The following ATP23 variants were observed in gnomAD, a reference collection of about 807,000 sequenced individuals.
ATP23 encodes mitochondrial inner membrane protease ATP23 homolog.
In ATP23, 24 loss-of-function variants were observed where a neutral mutation model predicts 28.5. The observed-to-expected ratio is 0.84, with a 90% CI of 0.61 to 1.18. ATP23 has a LOEUF of 1.18. ATP23 is among the 50% of genes most tolerant of loss of function. The pLI is 0.00. For missense variants in ATP23, 274 were observed against 306.4 expected (o/e 0.89, Z 0.79); for synonymous variants, 99 against 108.6 (o/e 0.91, Z 0.55).
intron 2 of ATP23, among the ~76,000 whole-genome samples, 166 bp downstream of exon 2, chr12:57,945,839 C>T (rs1438016891): frequency 6.7e-6 from 1 of 148,888 alleles, no homozygotes; most frequent in Admixed American, 6.7e-5. Context: ...GCCTTGTTCT[C>T]TTTGGACATT....
chr12:57,951,879 AT>A lies in ATP23; in HGVS notation c.440del (p.Leu147TrpfsTer28). 2 of 1,614,172 alleles carry A rather than the reference AT, an allele frequency of 1.2e-6. No homozygotes were observed. Among genetic ancestry groups the A allele is most frequent in the Non-Finnish European group, 1.7e-6 (2 of 1,180,012 alleles). On this transcript the variant is annotated frameshift_variant, in exon 4 of 6. Coordinates refer to ENST00000300145, the MANE Select transcript of ATP23 (RefSeq NM_033276.4). LOFTEE classifies it high-confidence loss of function. ...AHVDWFTNIR[H>X]LACSEVRAAN... ...GTCGACTGGTTCACCAACATCAGAC[AT>A]TTGGCGTGCTCAGAGGTGAGTTTTA...
intron 1 of ATP23, among the ~76,000 whole-genome samples, chr12:57,944,436 G>A (rs1956740155): frequency 6.6e-6 from 1 of 152,052 alleles, no homozygotes; most frequent in African/African-American, 2.4e-5. Flanking sequence ...TGGGCTCCTT[G>A]TACTTTCCTG....
intron 3 of ATP23, among the ~76,000 whole-genome samples, 168 bp from the exon 4 acceptor site, chr12:57,951,590 C>T (rs1956814773): frequency 6.6e-6 from 1 of 152,140 alleles, no homozygotes. Flanking sequence ...ACACTTAGGA[C>T]TAGGACTTGT....
chr12:57,955,714 G>A (rs564335606), intron 5 of ATP23, among the ~76,000 whole-genome samples: 1 of 152,220 alleles, frequency 6.6e-6, no homozygotes, highest in South Asian at 2.1e-4. Flanking sequence ...GCTTCACATG[G>A]TTCTTCCTTT....
rs1369371535 is a variant in ATP23, at chr12:57,957,652, G to A, written c.*762G>A. On this transcript the variant is annotated 3_prime_UTR_variant, in exon 6 of 6. Coordinates refer to ENST00000300145, the MANE Select transcript of ATP23 (RefSeq NM_033276.4). ...AACTGAAGGTCTGTTTGTGGGAGAA[G>A]TTTCCGACCTTACCTGGAGCTGAGT... 6.6e-6 allele frequency among the ~76,000 whole-genome samples: 1 copy of A among 152,154 alleles called. No individual in the cohort carries two copies. The highest frequency in any genetic ancestry group is 1.9e-4 in the East Asian group (1 of 5,178).
intron 3 of ATP23, among the ~76,000 whole-genome samples, chr12:57,947,383 G>A (rs1956772727): frequency 1.3e-5 from 2 of 152,184 alleles, no homozygotes; most frequent in South Asian, 2.1e-4. Context: ...TTCGACTAGA[G>A]GATATAAAGC....
chr12:57,953,589 T>C lies in ATP23; in HGVS notation c.454-17T>C, dbSNP rs770664289. 1.2e-6 allele frequency: 2 copies of C among 1,608,506 alleles called. No homozygotes were observed. The highest frequency in any genetic ancestry group is 1.7e-6 in the Non-Finnish European group (2 of 1,177,094). On this transcript the variant is annotated splice_polypyrimidine_tract_variant and intron_variant, in intron 4 of 5. Transcript: ENST00000300145. Reference sequence around the variant, plus strand: ...GCATGAGCGTTTATTTCTTTTTATTTGTCTTCTGTGTGATAGGTTCGAGCT... The same window carrying C: ...GCATGAGCGTTTATTTCTTTTTATTCGTCTTCTGTGTGATAGGTTCGAGCT...
At chr12:57,954,955 G>A (rs930146615) in intron 5 of ATP23, among the ~76,000 whole-genome samples, 1 of 151,920 alleles carries the variant, frequency 6.6e-6, no homozygotes, top group Non-Finnish European at 1.5e-5. Flanking sequence ...TGCCAGGTCA[G>A]CTTAGTGATA....
At chr12:57,943,329 T>C (rs749301554) in intron 1 of ATP23, among the ~76,000 whole-genome samples, 80 of 152,156 alleles carry the variant, frequency 5.3e-4, no homozygotes, top group Admixed American at 9.2e-4. Flanking sequence ...ATCCTCACTA[T>C]CCTTATTGTA....
chr12:57,956,239 C>T (rs2140543818), intron 5 of ATP23, among the ~76,000 whole-genome samples: 1 of 152,128 alleles, frequency 6.6e-6, no homozygotes, highest in Admixed American at 6.5e-5. Flanking sequence ...ACTTACCCTT[C>T]TCAAAGGAAA....
At chr12:57,944,517 C>G (rs146358581) in intron 1 of ATP23, among the ~76,000 whole-genome samples, 84 of 152,358 alleles carry the variant, frequency 5.5e-4, no homozygotes, top group African/African-American at 2.0e-3. Flanking sequence ...TCCCCGTCCC[C>G]TTACAGGGAA....
intron 1 of ATP23, among the ~76,000 whole-genome samples, chr12:57,943,544 G>T (rs1956728725): frequency 1.3e-5 from 2 of 152,106 alleles, no homozygotes; most frequent in African/African-American, 4.8e-5. Context: ...AGCTGGATGT[G>T]GTGGCTCATG....
intron 4 of ATP23, among the ~76,000 whole-genome samples, chr12:57,953,036 C>T (rs1170250779): frequency 6.6e-6 from 1 of 152,166 alleles, no homozygotes; most frequent in East Asian, 1.9e-4. Flanking sequence ...TGTATTGCTT[C>T]ATTTTTCATA....
Position 57,953,688 on chromosome 12 carries a change from A to G in ATP23, c.536A>G (p.Gln179Arg), listed in dbSNP as rs1476545753. Residue 179 changes from glutamine (Q) to arginine (R), a missense_variant and splice_region_variant, in exon 5 of 6, where the codon CAG becomes CGG. Transcript: ENST00000300145. ...CATTTTGGATTAAAACAACACCACCAGGTAAAAACTAATATGAAATCACTT... is the reference window on the plus strand; with the variant it reads ...CATTTTGGATTAAAACAACACCACCGGGTAAAAACTAATATGAAATCACTT... The part of the protein sequence containing the change: ...RLHFGLKQHH[Q>R]TCVRDRATLS... 1 of 1,612,990 alleles carries G rather than the reference A, an allele frequency of 6.2e-7. No homozygotes were observed.
intron 5 of ATP23, among the ~76,000 whole-genome samples, chr12:57,956,264 G>T (rs1215435061): frequency 5.3e-5 from 8 of 151,904 alleles, no homozygotes; most frequent in African/African-American, 1.5e-4. Flanking sequence ...ATCTAGCATT[G>T]GTCAACTGAA....
intron 1 of ATP23, among the ~76,000 whole-genome samples, chr12:57,944,897 A>G (rs1956745012): frequency 6.6e-6 from 1 of 152,066 alleles, no homozygotes; most frequent in African/African-American, 2.4e-5. Context: ...TGGCAGGTCC[A>G]ATTTAGAAGG....
rs1956875269 is a variant in ATP23, at chr12:57,956,984, C to T, written c.*94C>T. On this transcript the variant is annotated 3_prime_UTR_variant, in exon 6 of 6. Coordinates refer to ENST00000300145, the MANE Select transcript of ATP23 (RefSeq NM_033276.4). The stretch of plus-strand genomic sequence containing the variant: ...AACAAACATATAAAATGTAAACAAT[C>T]CCTACAATCCAGATAAAACAGAGAA... 2 of 1,004,878 alleles carry T rather than the reference C, an allele frequency of 2.0e-6. No individual in the cohort carries two copies. The highest frequency in any genetic ancestry group is 1.7e-5 in the African/African-American group (1 of 59,968). The allele number at this position is 1,004,878 out of a possible 1,614,324, so 62.2% of individuals were successfully genotyped here. A position where few individuals can be genotyped will look rare whatever the true frequency, so the allele number is the denominator to read the frequency against.
chr12:57,956,797 T>C lies in ATP23; in HGVS notation c.648T>C (p.His216=). 1 of 1,614,028 alleles carries C rather than the reference T, an allele frequency of 6.2e-7. No homozygotes were observed. Among genetic ancestry groups the C allele is most frequent in the Non-Finnish European group, 8.5e-7 (1 of 1,179,950 alleles). ...TTTTTGAATCTTGTTTCAATGACCA[T>C]GAACCTTTTGGAAGGATCCCACATA... The part of the protein sequence containing the change: ...DEVFESCFND[H]EPFGRIPHNK... The change falls in exon 6 of 6, where the codon CAT becomes CAC. Residue 216 remains histidine, a synonymous_variant. Transcript: ENST00000300145.
chr12:57,944,965 G>A (rs1347504055), intron 1 of ATP23, among the ~76,000 whole-genome samples: 2 of 152,200 alleles, frequency 1.3e-5, no homozygotes, highest in Non-Finnish European at 2.9e-5. Flanking sequence ...GGACAGAACA[G>A]TGTGGCTACT....
Sources: gnomAD v4.1 joint callset for allele counts (sites outside exome capture counted in the v4.1 genomes callset) on GRCh38, gnomAD v4.1.1 for gene constraint, MANE v1.5 for transcripts, NCBI Gene and HGNC (gene_info 2026-07-23, HGNC 2026-07-21) for gene names.